Variants in MAP3K7 observed in about 807,000 individuals in gnomAD.
MAP3K7 encodes the protein TGF-beta activated kinase 1.
In MAP3K7, 21 loss-of-function variants were observed where a neutral mutation model predicts 84.8. That is an observed-to-expected ratio of 0.25 (90% confidence interval 0.18 to 0.36). The LOEUF (loss-of-function observed/expected upper bound fraction) is 0.36, where lower values mean the gene tolerates loss of function less well. MAP3K7 is among the 10% of genes least tolerant of loss of function. The probability of loss-of-function intolerance (pLI) is 1.00; values close to 1 mark genes in which losing one functional copy is unlikely to be tolerated. For synonymous variants in MAP3K7, 241 were observed against 247.7 expected (o/e 0.97, Z 0.25); for missense variants, 503 against 747.7 (o/e 0.67, Z 3.82).
chr6:90,556,209 T>A (rs151083406), intron 6 of MAP3K7, among the ~76,000 whole-genome samples: 77 of 152,336 alleles, frequency 5.1e-4, no homozygotes, highest in African/African-American at 1.8e-3. Flanking sequence ...GAAAGCACCA[T>A]GAGTATTAAT....
intron 1 of MAP3K7, among the ~76,000 whole-genome samples, chr6:90,581,058 C>T (rs944136267): frequency 1.3e-5 from 2 of 151,904 alleles, no homozygotes; most frequent in Non-Finnish European, 2.9e-5. Flanking sequence ...TATTGAAAGG[C>T]ACAAAAACAA....
At chr6:90,518,370 G>A (rs1775039639) in intron 16 of MAP3K7, 77 bp downstream of exon 16, 6 of 773,142 alleles carry the variant, frequency 7.8e-6, no homozygotes, top group African/African-American at 3.5e-5. Context: ...TAAAAACTAC[G>A]TTTTCATTGC....
chr6:90,576,191 A>AG (rs566464362), intron 1 of MAP3K7, among the ~76,000 whole-genome samples: 3 of 152,152 alleles, frequency 2.0e-5, no homozygotes, highest in Non-Finnish European at 2.9e-5. Flanking sequence ...TGGGAGGCTG[A>AG]GGCAGGCGGA....
chr6:90,532,371 T>A (rs1424617400), intron 13 of MAP3K7, among the ~76,000 whole-genome samples: 3 of 152,172 alleles, frequency 2.0e-5, no homozygotes, highest in African/African-American at 7.2e-5. Context: ...ACAACATGGA[T>A]TAGTATCTAC....
chr6:90,573,205 C>A (rs138993450), intron 1 of MAP3K7, among the ~76,000 whole-genome samples: 6 of 152,134 alleles, frequency 3.9e-5, no homozygotes, highest in Non-Finnish European at 7.3e-5. Context: ...TAGTCTAACA[C>A]GGGAATGTTA....
chr6:90,566,658 A>C (rs1776716213), intron 3 of MAP3K7, among the ~76,000 whole-genome samples: 1 of 152,204 alleles, frequency 6.6e-6, no homozygotes, highest in Non-Finnish European at 1.5e-5. Flanking sequence ...TATAGATTCA[A>C]TGCCATCCCC....
At chr6:90,582,364 A>G (rs1435006449) in intron 1 of MAP3K7, among the ~76,000 whole-genome samples, 1 of 152,216 alleles carries the variant, frequency 6.6e-6, no homozygotes, top group Non-Finnish European at 1.5e-5. Flanking sequence ...TACTCATTGA[A>G]CAAATATGTA....
At chr6:90,523,411 G>A (rs768487566) in intron 14 of MAP3K7, among the ~76,000 whole-genome samples, 6 of 151,588 alleles carry the variant, frequency 4.0e-5, no homozygotes, top group African/African-American at 7.3e-5. Flanking sequence ...AATTCAATAC[G>A]CTTCGCAACT....
intron 2 of MAP3K7, among the ~76,000 whole-genome samples, chr6:90,569,017 A>C (rs1776810803): frequency 6.6e-6 from 1 of 152,188 alleles, no homozygotes; most frequent in Admixed American, 6.5e-5. Context: ...ACGTCATGCT[A>C]TCATTGTTAT....
chr6:90,571,829 A>AC (rs756234519), intron 1 of MAP3K7, 22 bp from the exon 2 acceptor site: 2 of 1,382,714 alleles, frequency 1.4e-6, no homozygotes, highest in South Asian at 1.3e-5. Flanking sequence ...AAACAAACAA[A>AC]AAACAAACAA....
chr6:90,571,907 C>T, intron 1 of MAP3K7, 100 bp from the exon 2 acceptor site: 2 of 441,196 alleles, frequency 4.5e-6, no homozygotes, highest in Non-Finnish European at 7.5e-6. Flanking sequence ...ATCTTTAAGA[C>T]TTTAAATTAA....
rs575452108 is a variant in MAP3K7 at position 90,562,605 on chromosome 6, C to G, written c.298-938G>C. On this transcript the variant is annotated intron_variant, in intron 3 of 16. Coordinates refer to ENST00000369329, the MANE Select transcript of MAP3K7 (RefSeq NM_145331.3). Reference sequence around the variant, plus strand: ...TCGAACTGGGTGGAGCCCACCACAGCTCAAGGAGGCCTGCCCGCCTCTGTA... The same window carrying G: ...TCGAACTGGGTGGAGCCCACCACAGGTCAAGGAGGCCTGCCCGCCTCTGTA... Among the ~76,000 whole-genome samples, 375 of 152,312 alleles carry G rather than the reference C, an allele frequency of 2.5e-3. 3 individuals are homozygous for G. The highest frequency in any genetic ancestry group is 8.4e-3 in the African/African-American group (348 of 41,576).
chr6:90,543,387 T>C (rs1775912474), intron 12 of MAP3K7, among the ~76,000 whole-genome samples: 1 of 152,108 alleles, frequency 6.6e-6, no homozygotes. Flanking sequence ...TATTTTTGTA[T>C]GCTAGTTTCT....
intron 13 of MAP3K7, among the ~76,000 whole-genome samples, chr6:90,525,892 C>T (rs1200311778): frequency 6.6e-6 from 1 of 151,290 alleles, no homozygotes; most frequent in African/African-American, 2.4e-5. Flanking sequence ...ATATGCTGTA[C>T]ATATAAACAC....
chr6:90,560,031 G>A, intron 5 of MAP3K7, 45 bp downstream of exon 5: 4 of 1,612,152 alleles, frequency 2.5e-6, no homozygotes, highest in Non-Finnish European at 3.4e-6. Context: ...GAGAGTGAGA[G>A]AGAAGGAGGA....
intron 4 of MAP3K7, 94 bp downstream of exon 4, chr6:90,561,528 A>T (rs1351526939): frequency 1.1e-6 from 1 of 904,294 alleles, no homozygotes; most frequent in African/African-American, 1.7e-5. Flanking sequence ...CTCTGACGGC[A>T]AATTGTGAAG....
intron 8 of MAP3K7, chr6:90,551,237 C>A (rs1007670541): frequency 6.6e-6 from 1 of 152,008 alleles, no homozygotes; most frequent in Non-Finnish European, 1.5e-5. Context: ...AGCTGCTTTG[C>A]GTAAGAAATT....
chr6:90,553,821 T>C (rs1268694474), intron 6 of MAP3K7, among the ~76,000 whole-genome samples: 1 of 152,200 alleles, frequency 6.6e-6, no homozygotes, highest in Non-Finnish European at 1.5e-5. Flanking sequence ...ATTTTCTATC[T>C]TTTTTCATCA....
chr6:90,553,728 A>G, intron 6 of MAP3K7, 142 bp from the exon 7 acceptor site: 1 of 610,678 alleles, frequency 1.6e-6, no homozygotes, highest in Non-Finnish European at 2.8e-6. Context: ...CTCTTTCTGA[A>G]GTACTTTGTC....
Sources: allele counts gnomAD v4.1 joint callset (sites outside exome capture counted in the v4.1 genomes callset), GRCh38; gene constraint gnomAD v4.1.1; transcripts MANE v1.5; gene names NCBI Gene and HGNC (gene_info 2026-07-23, HGNC 2026-07-21).